Variants in FAM171A1 observed in about 807,000 individuals in gnomAD.
The protein encoded by FAM171A1 is protein FAM171A1.
Under a neutral mutation model 74.9 loss-of-function variants are expected in FAM171A1, and 23 were observed. The observed-to-expected ratio is 0.31, with a 90% CI of 0.22 to 0.44. FAM171A1 has a LOEUF of 0.44. FAM171A1 is among the 20% of genes least tolerant of loss of function. FAM171A1 has a pLI of 1.00. For missense variants in FAM171A1, 1,162 were observed against 1,159.2 expected (o/e 1.00, Z -0.03); for synonymous variants, 527 against 505.7 (o/e 1.04, Z -0.57).
At chr10:15,332,853 A>G (rs1835656816) in intron 1 of FAM171A1, among the ~76,000 whole-genome samples, 1 of 152,188 alleles carries the variant, frequency 6.6e-6, no homozygotes, top group South Asian at 2.1e-4. Context: ...AAGAGCTCGG[A>G]ATCCCTGGGC....
chr10:15,214,807 T>A (rs1008811800), intron 7 of FAM171A1, among the ~76,000 whole-genome samples: 3 of 150,944 alleles, frequency 2.0e-5, no homozygotes, highest in Admixed American at 1.3e-4. Flanking sequence ...GTCGCCCACG[T>A]TGGAGTGCAG....
At chr10:15,338,489 T>A (rs1000337151) in intron 1 of FAM171A1, among the ~76,000 whole-genome samples, 12 of 152,250 alleles carry the variant, frequency 7.9e-5, no homozygotes, top group African/African-American at 2.9e-4. Flanking sequence ...TGTATTTTAC[T>A]TAATGCTGAT....
chr10:15,274,633 C>G (rs1286721148), intron 3 of FAM171A1, among the ~76,000 whole-genome samples: 1 of 152,160 alleles, frequency 6.6e-6, no homozygotes, highest in Admixed American at 6.5e-5. Context: ...TGACTTCAAA[C>G]TATACTACAA....
At chr10:15,363,617 G>A (rs1030918750) in intron 1 of FAM171A1, among the ~76,000 whole-genome samples, 2 of 152,156 alleles carry the variant, frequency 1.3e-5, no homozygotes, top group Non-Finnish European at 2.9e-5. Flanking sequence ...TCCTTGGCAG[G>A]AGACTGATGG....
intron 3 of FAM171A1, among the ~76,000 whole-genome samples, chr10:15,265,121 A>G (rs1476897592): frequency 6.6e-6 from 1 of 152,212 alleles, no homozygotes. Context: ...CTGGTTATGT[A>G]CAGGAAGCAG....
At chr10:15,326,128 A>G (rs768084113) in intron 1 of FAM171A1, among the ~76,000 whole-genome samples, 3 of 152,156 alleles carry the variant, frequency 2.0e-5, no homozygotes, top group Non-Finnish European at 2.9e-5. Flanking sequence ...AGATTCTTCT[A>G]TTTTATGTTC....
intron 1 of FAM171A1, among the ~76,000 whole-genome samples, chr10:15,367,817 C>G (rs116602807): frequency 2.6e-5 from 4 of 152,200 alleles, no homozygotes; most frequent in Non-Finnish European, 5.9e-5. Flanking sequence ...AGATATCCAG[C>G]GACAAAATAA....
chr10:15,308,526 C>T (rs11819566), intron 1 of FAM171A1, among the ~76,000 whole-genome samples: 46,030 of 151,876 alleles, frequency 0.3, 7,228 homozygotes, highest in African/African-American at 0.37. Context: ...TGCAGTGGCA[C>T]GATTTTGGCT....
rs931988218 is a variant in FAM171A1 at position 15,244,836 on chromosome 10, C to T, written c.754+3803G>A. Among the ~76,000 whole-genome samples, 21 of 152,204 alleles carry T rather than the reference C, an allele frequency of 1.4e-4. No individual in the cohort carries two copies. In the South Asian group the frequency reaches 3.5e-3, roughly 26 times the overall value. On this transcript the variant is annotated intron_variant, in intron 5 of 7. Transcript: ENST00000378116. ...GTTCAAGCTGATAGGACCATTGCAA[C>T]GTGCACAATGTGCTCAGGATGAGGC...
intron 4 of FAM171A1, among the ~76,000 whole-genome samples, chr10:15,253,385 T>C (rs545048885): frequency 5.7e-4 from 87 of 152,316 alleles, no homozygotes; most frequent in Non-Finnish European, 3.2e-4. Flanking sequence ...CATTTTTTTT[T>C]CCTAATAATG....
chr10:15,223,073 C>T (rs1834060060), intron 5 of FAM171A1, among the ~76,000 whole-genome samples: 1 of 152,180 alleles, frequency 6.6e-6, no homozygotes, highest in Non-Finnish European at 1.5e-5. Flanking sequence ...GGCATGGTGG[C>T]TCACGCCTAT....
intron 1 of FAM171A1, among the ~76,000 whole-genome samples, chr10:15,360,963 A>C (rs1306391935): frequency 6.6e-6 from 1 of 152,176 alleles, no homozygotes; most frequent in Non-Finnish European, 1.5e-5. Context: ...TCTATGCTGC[A>C]ACTTTGTAAC....
At chr10:15,224,065 T>C (rs958560890) in intron 5 of FAM171A1, among the ~76,000 whole-genome samples, 1 of 152,116 alleles carries the variant, frequency 6.6e-6, no homozygotes, top group Non-Finnish European at 1.5e-5. Context: ...AGAAAGTCCA[T>C]TGGCTGAAGA....
chr10:15,350,680 C>T (rs990187789), intron 1 of FAM171A1, among the ~76,000 whole-genome samples: 1 of 151,390 alleles, frequency 6.6e-6, no homozygotes, highest in Non-Finnish European at 1.5e-5. Flanking sequence ...TCTCTGTCGC[C>T]CAGGCTGGAG....
chr10:15,213,992 C>T lies in FAM171A1; in HGVS notation c.1596G>A (p.Leu532=). 1 of 1,614,106 alleles carries T rather than the reference C, an allele frequency of 6.2e-7. No homozygotes were observed. Among genetic ancestry groups the T allele is most frequent in the Non-Finnish European group, 8.5e-7 (1 of 1,180,014 alleles). Reference sequence around the variant, plus strand: ...TCATACATTCAGTGGGTCTGCGGTCCAGCAGCTGTTCTTTCTCAGGTGATG... The same window carrying T: ...TCATACATTCAGTGGGTCTGCGGTCTAGCAGCTGTTCTTTCTCAGGTGATG... ...APSSPEKEQL[L]DRRPTECMMS... Residue 532 remains leucine (L), a synonymous_variant, in exon 8 of 8, where the codon CTG becomes CTA. Coordinates refer to ENST00000378116, the MANE Select transcript of FAM171A1 (RefSeq NM_001010924.2). The surrounding 1 kb of genome is among the most constrained non-coding windows in gnomAD (Gnocchi z 6.8).
chr10:15,356,564 A>T (rs1321108512), intron 1 of FAM171A1, among the ~76,000 whole-genome samples: 19 of 152,200 alleles, frequency 1.2e-4, no homozygotes, highest in Non-Finnish European at 2.8e-4. Context: ...GCGCCCAGCA[A>T]TGGAAGAAAG....
chr10:15,347,076 T>A (rs1038600165), intron 1 of FAM171A1, among the ~76,000 whole-genome samples: 1 of 152,128 alleles, frequency 6.6e-6, no homozygotes, highest in Non-Finnish European at 1.5e-5. Context: ...CAATTTTTTT[T>A]AAAAGAATGG....
chr10:15,297,817 A>G (rs1588539759), intron 1 of FAM171A1, among the ~76,000 whole-genome samples: 1 of 152,316 alleles, frequency 6.6e-6, no homozygotes, highest in Non-Finnish European at 1.5e-5. Flanking sequence ...TTCATTCTCT[A>G]TTACTGGACC....
At chr10:15,219,100 T>C (rs1834003374) in intron 6 of FAM171A1, among the ~76,000 whole-genome samples, 1 of 152,070 alleles carries the variant, frequency 6.6e-6, no homozygotes, top group South Asian at 2.1e-4. Context: ...CTGACTAACA[T>C]GGTGAAACCC....
Sources: allele counts gnomAD v4.1 joint callset (sites outside exome capture counted in the v4.1 genomes callset), GRCh38; gene constraint gnomAD v4.1.1; non-coding constraint Gnocchi (gnomAD v3.1); transcripts MANE v1.5; gene names NCBI Gene and HGNC (gene_info 2026-07-23, HGNC 2026-07-21).